Variants in EPS8 observed in about 807,000 individuals in gnomAD.
EPS8 encodes EGFR pathway substrate 8, signaling adaptor, also known as epidermal growth factor receptor kinase substrate 8.
Under a neutral mutation model 103.8 loss-of-function variants are expected in EPS8, and 42 were observed. That is an observed-to-expected ratio of 0.40 (90% CI 0.32 to 0.52). The LOEUF is 0.52. Ranked by LOEUF, EPS8 falls within the 20% of genes least tolerant of loss-of-function variation. EPS8 has a pLI of 0.40. For missense variants in EPS8, 969 were observed against 1,005.1 expected, an observed-to-expected ratio of 0.96 and a Z score of 0.49; for synonymous variants, 344 against 344.6, an observed-to-expected ratio of 1.00 and a Z score of 0.02.
rs1407727838 is a variant in EPS8, at chr12:15,700,881, C to T, written c.-21-17909G>A. On this transcript the variant is annotated intron_variant, in intron 1 of 20. Transcript: ENST00000281172. The surrounding 1 kb of genome is among the most constrained non-coding windows in gnomAD (Gnocchi z 5.1). ...AAATTGAAGTCTATCACAAAATAGA[C>T]AAAGGACATATATTTTCTAAACCCA... Among the ~76,000 whole-genome samples, 5 of 152,048 alleles carry T rather than the reference C, an allele frequency of 3.3e-5. No homozygotes were observed. The highest frequency in any genetic ancestry group is 4.8e-5 in the African/African-American group (2 of 41,384).
chr12:15,632,424 AAC>A (rs1433960742), intron 17 of EPS8, among the ~76,000 whole-genome samples: 1 of 152,228 alleles, frequency 6.6e-6, no homozygotes, highest in Non-Finnish European at 1.5e-5. Context: ...CCCTATTTAA[AAC>A]ACACATAATA....
chr12:15,771,043 G>A lies in EPS8; in HGVS notation c.-22+18118C>T, dbSNP rs1266612264. On this transcript the variant is annotated intron_variant, in intron 1 of 20. Coordinates refer to ENST00000281172, the MANE Select transcript of EPS8 (RefSeq NM_004447.6). This position sits in a 1 kb window ranked among gnomAD's most constrained non-coding sequence, Gnocchi z 4.6. ...GTAACACACATGTATATAAATTACAGTTCACGAAAGAAAATAAGTGCCTAG... is the reference window on the plus strand; with the variant it reads ...GTAACACACATGTATATAAATTACAATTCACGAAAGAAAATAAGTGCCTAG... 6.6e-6 allele frequency among the ~76,000 whole-genome samples: 1 copy of A among 152,108 alleles called. No homozygotes were observed. Among genetic ancestry groups the A allele is most frequent in the Admixed American group, 6.5e-5 (1 of 15,272 alleles).
rs991665388 is a variant in EPS8, at chr12:15,690,192, G to A, written c.-21-7220C>T. Among the ~76,000 whole-genome samples, 6 of 152,100 alleles carry A rather than the reference G, an allele frequency of 3.9e-5. No individual in the cohort carries two copies. Among genetic ancestry groups the A allele is most frequent in the South Asian group, 4.1e-4 (2 of 4,824 alleles). ...TAAGAGGATCAATCTTTTCTAAAGT[G>A]TACAATATATCTTTATAAATGCTTA... On this transcript the variant is annotated intron_variant, in intron 1 of 20. Coordinates refer to ENST00000281172, the MANE Select transcript of EPS8 (RefSeq NM_004447.6). The surrounding 1 kb of genome is among the most constrained non-coding windows in gnomAD (Gnocchi z 4.7).
At position 15,702,805 on chromosome 12, in the gene EPS8, C is replaced by T. The variant is rs746950255; in HGVS notation, c.-21-19833G>A. Among the ~76,000 whole-genome samples the T allele has an allele frequency of 2.0e-5, 3 of 152,058 alleles. No individual in the cohort carries two copies. Among genetic ancestry groups the T allele is most frequent in the African/African-American group, 4.8e-5 (2 of 41,414 alleles). On this transcript the variant is annotated intron_variant, in intron 1 of 20. Transcript: ENST00000281172. The surrounding 1 kb of genome is among the most constrained non-coding windows in gnomAD (Gnocchi z 5.1). The stretch of plus-strand genomic sequence containing the variant: ...TATGAAAGGAATTCTAGCTTATGCA[C>T]GTAATGGTTATTAAAGGTAAACATT...
At chr12:15,775,387 TA>T (rs1374641082) in intron 1 of EPS8, among the ~76,000 whole-genome samples, 1 of 152,132 alleles carries the variant, frequency 6.6e-6, no homozygotes, top group Non-Finnish European at 1.5e-5. Context: ...CTTAATAGTT[TA>T]AAATCTTTCA....
At chr12:15,773,166 GAC>G (rs1339357277) in intron 1 of EPS8, among the ~76,000 whole-genome samples, 1 of 152,066 alleles carries the variant, frequency 6.6e-6, no homozygotes, top group Non-Finnish European at 1.5e-5. Flanking sequence ...ACCTCACCAA[GAC>G]ACACCTGAAC....
chr12:15,717,949 T>C lies in EPS8; in HGVS notation c.-21-34977A>G, dbSNP rs1269637944. Among the ~76,000 whole-genome samples, 1 of 152,240 alleles carries C rather than the reference T, an allele frequency of 6.6e-6. No individual in the cohort carries two copies. The highest frequency in any genetic ancestry group is 2.1e-4 in the South Asian group (1 of 4,834). On this transcript the variant is annotated intron_variant, in intron 1 of 20. Coordinates refer to ENST00000281172, the MANE Select transcript of EPS8 (RefSeq NM_004447.6). This position sits in a 1 kb window ranked among gnomAD's most constrained non-coding sequence, Gnocchi z 4.3. Reference sequence around the variant, plus strand: ...GTACAGCTCCAATAAGACATGATCTTATTTGGCAATTTCAGTTAAAAAGAC... The same window carrying C: ...GTACAGCTCCAATAAGACATGATCTCATTTGGCAATTTCAGTTAAAAAGAC...
rs532914742 is a variant in EPS8, at chr12:15,622,058, G to A, written c.2356-628C>T. Among the ~76,000 whole-genome samples, 8 of 152,294 alleles carry A rather than the reference G, an allele frequency of 5.3e-5. No homozygotes were observed. In the East Asian group the frequency reaches 1.4e-3, roughly 26 times the overall value. On this transcript the variant is annotated intron_variant, in intron 20 of 20. Coordinates refer to ENST00000281172, the MANE Select transcript of EPS8 (RefSeq NM_004447.6). Reference sequence around the variant, plus strand: ...CATGCAGAGAATAGGAAGAGAACAAGAAGCAAGAGACCATCCTGAAGTGGG... The same window carrying A: ...CATGCAGAGAATAGGAAGAGAACAAAAAGCAAGAGACCATCCTGAAGTGGG...
intron 1 of EPS8, chr12:15,683,777 C>T (rs935332736): frequency 1.1e-4 from 17 of 152,176 alleles, no homozygotes; most frequent in African/African-American, 3.4e-4. Flanking sequence ...CATTGCTGTA[C>T]CCAATTTGTT....
rs1189871039 is a variant in EPS8, at chr12:15,780,722, C to G, written c.-22+8439G>C. The stretch of plus-strand genomic sequence containing the variant: ...TGTCTGGCTGCCTCCATTCTCTGAG[C>G]CTTCTGACAACAAAAGGCAGAGATC... On this transcript the variant is annotated intron_variant, in intron 1 of 20. Coordinates refer to ENST00000281172, the MANE Select transcript of EPS8 (RefSeq NM_004447.6). The surrounding 1 kb of genome is among the most constrained non-coding windows in gnomAD (Gnocchi z 4.1). 1 of 152,162 alleles carries G rather than the reference C, an allele frequency of 6.6e-6. No individual in the cohort carries two copies. Among genetic ancestry groups the G allele is most frequent in the Non-Finnish European group, 1.5e-5 (1 of 68,054 alleles). 9.4% of individuals were successfully genotyped at this position (152,162 alleles called of 1,614,324 possible).
chr12:15,687,351 G>T (rs1365194878), intron 1 of EPS8, among the ~76,000 whole-genome samples: 3 of 152,096 alleles, frequency 2.0e-5, no homozygotes, highest in Non-Finnish European at 4.4e-5. Flanking sequence ...TGTGGTTAAT[G>T]CCTGTGAAGG....
chr12:15,773,991 C>T (rs1180075177), intron 1 of EPS8, among the ~76,000 whole-genome samples: 1 of 152,088 alleles, frequency 6.6e-6, no homozygotes, highest in African/African-American at 2.4e-5. Context: ...TTAACAGCCT[C>T]ATCTTCTTTG....
Position 15,679,174 on chromosome 12 carries a change from A to G in EPS8, c.136+2052T>C, listed in dbSNP as rs922466266. On this transcript the variant is annotated intron_variant, in intron 3 of 20. Coordinates refer to ENST00000281172, the MANE Select transcript of EPS8 (RefSeq NM_004447.6). ...TATTACTTAAATCTCTGATTCACTT[A>G]TTTCCATCCATATTCATCAAATTCA... Among the ~76,000 whole-genome samples, 7 of 152,230 alleles carry G rather than the reference A, an allele frequency of 4.6e-5. No homozygotes were observed. The South Asian group carries it at 8.3e-4, about 18-fold the overall frequency.
rs1361105101 is a variant in EPS8 at position 15,700,050 on chromosome 12, G to C, written c.-21-17078C>G. On this transcript the variant is annotated intron_variant, in intron 1 of 20. Coordinates refer to ENST00000281172, the MANE Select transcript of EPS8 (RefSeq NM_004447.6). The surrounding 1 kb of genome is among the most constrained non-coding windows in gnomAD (Gnocchi z 5.1). ...ACAACGTGTAGTCGTAGCTACTCTG[G>C]AGGCTGAGGCACAAGAATTGTTTGA... Among the ~76,000 whole-genome samples the C allele has an allele frequency of 2.0e-5, 3 of 152,148 alleles. No homozygotes were observed. The highest frequency in any genetic ancestry group is 7.2e-5 in the African/African-American group (3 of 41,428).
chr12:15,700,541 A>G lies in EPS8; in HGVS notation c.-21-17569T>C, dbSNP rs1412152806. Among the ~76,000 whole-genome samples, 1 of 152,240 alleles carries G rather than the reference A, an allele frequency of 6.6e-6. No homozygotes were observed. On this transcript the variant is annotated intron_variant, in intron 1 of 20. Coordinates refer to ENST00000281172, the MANE Select transcript of EPS8 (RefSeq NM_004447.6). The surrounding 1 kb of genome is among the most constrained non-coding windows in gnomAD (Gnocchi z 5.1). ...AACTAATTTAGAAGTATAGAATTAAATTGAAAATTTAAAAAGAAATTTATT... is the reference window on the plus strand; with the variant it reads ...AACTAATTTAGAAGTATAGAATTAAGTTGAAAATTTAAAAAGAAATTTATT...
chr12:15,631,623 G>C lies in EPS8; in HGVS notation c.1863C>G (p.Pro621=). The change falls in exon 18 of 21, where the codon CCC becomes CCG. Residue 621 remains proline (P), a synonymous_variant. Coordinates refer to ENST00000281172, the MANE Select transcript of EPS8 (RefSeq NM_004447.6). ...GTGTTGGAGGAGGTGATGGAGCAGG[G>C]GGAGTATCAGCTGGTCTTGGGCCAT... ...MEYGPRPADT[P]PAPSPPPTPA... 1.2e-6 allele frequency: 2 copies of C among 1,613,870 alleles called. No individual in the cohort carries two copies. Among genetic ancestry groups the C allele is most frequent in the Non-Finnish European group, 1.7e-6 (2 of 1,179,914 alleles).
intron 1 of EPS8, among the ~76,000 whole-genome samples, chr12:15,741,450 G>A (rs1220096154): frequency 1.3e-5 from 2 of 152,158 alleles, no homozygotes; most frequent in Admixed American, 6.5e-5. Context: ...TCATTTGTAG[G>A]TTGACCATCT....
At chr12:15,640,879 C>T in intron 16 of EPS8, 33 bp from the exon 17 acceptor site, 1 of 1,601,126 alleles carries the variant, frequency 6.2e-7, no homozygotes, top group Non-Finnish European at 8.5e-7. Flanking sequence ...GGTATAATTT[C>T]CATATAAAAG....
Position 15,747,800 on chromosome 12 carries a change from C to G in EPS8, c.-22+41361G>C, listed in dbSNP as rs960873561. Among the ~76,000 whole-genome samples the G allele has an allele frequency of 1.2e-4, 19 of 152,274 alleles. No homozygotes were observed. Among genetic ancestry groups the G allele is most frequent in the Middle Eastern group, 6.8e-3 (2 of 294 alleles). The stretch of plus-strand genomic sequence containing the variant: ...CTTTGGGAGGCCGAGGTGGGCGGAT[C>G]ACGAGGTCAGGAGATCGAGACCATC... On this transcript the variant is annotated intron_variant, in intron 1 of 20. Transcript: ENST00000281172. This position sits in a 1 kb window ranked among gnomAD's most constrained non-coding sequence, Gnocchi z 4.4.
Sources: gnomAD v4.1 joint callset for allele counts (sites outside exome capture counted in the v4.1 genomes callset) on GRCh38, gnomAD v4.1.1 for gene constraint, Gnocchi (gnomAD v3.1) non-coding constraint, MANE v1.5 for transcripts, NCBI Gene and HGNC (gene_info 2026-07-23, HGNC 2026-07-21) for gene names.